The following AGBL4 variants were observed in gnomAD, a reference collection of about 807,000 sequenced individuals.
The protein encoded by AGBL4 is cytosolic carboxypeptidase 6.
Under a neutral mutation model 66.4 loss-of-function variants are expected in AGBL4, and 58 were observed. The ratio of observed to expected loss-of-function variants is 0.87; its 90% CI spans 0.71 to 1.09. The LOEUF is 1.09. AGBL4 is among the 50% of genes least tolerant of loss of function. AGBL4 has a pLI of 0.00. For missense variants in AGBL4, 579 were observed against 631.0 expected (o/e 0.92, Z 0.88); for synonymous variants, 234 against 222.9 (o/e 1.05, Z -0.44).
chr1:48,575,007 A>G (rs534872484), intron 11 of AGBL4, among the ~76,000 whole-genome samples: 2 of 152,288 alleles, frequency 1.3e-5, no homozygotes, highest in South Asian at 2.1e-4. Context: ...CACGTAGTCG[A>G]TGTTCAATAA....
At chr1:48,976,564 T>G (rs1659353446) in intron 5 of AGBL4, among the ~76,000 whole-genome samples, 1 of 152,182 alleles carries the variant, frequency 6.6e-6, no homozygotes, top group East Asian at 1.9e-4. Flanking sequence ...TAGAATGTCT[T>G]ATTTACCTAT....
At chr1:49,944,301 A>G (rs1571925146) in intron 1 of AGBL4, among the ~76,000 whole-genome samples, 1 of 152,074 alleles carries the variant, frequency 6.6e-6, no homozygotes, top group South Asian at 2.1e-4. Context: ...AGTCCATTTC[A>G]CCATCCTGTC....
chr1:49,522,357 A>G (rs1447290610), intron 3 of AGBL4, among the ~76,000 whole-genome samples: 2 of 152,098 alleles, frequency 1.3e-5, no homozygotes, highest in Non-Finnish European at 2.9e-5. Flanking sequence ...TCAAACCTTA[A>G]TAATCACTTC....
chr1:48,675,805 G>T (rs547749430), intron 6 of AGBL4, among the ~76,000 whole-genome samples: 42 of 152,288 alleles, frequency 2.8e-4, no homozygotes, highest in African/African-American at 9.9e-4. Flanking sequence ...TTTGACCAAG[G>T]TCTCACAGTG....
chr1:48,936,244 C>A (rs755606057), intron 5 of AGBL4, among the ~76,000 whole-genome samples: 1 of 152,102 alleles, frequency 6.6e-6, no homozygotes, highest in Non-Finnish European at 1.5e-5. Context: ...GCCTGGGTGA[C>A]AAAGTGATAT....
At chr1:49,792,925 T>G (rs181014344) in intron 2 of AGBL4, among the ~76,000 whole-genome samples, 3 of 152,178 alleles carry the variant, frequency 2.0e-5, no homozygotes, top group Admixed American at 2.0e-4. Flanking sequence ...AATTTCTTAT[T>G]TGTTTAATGA....
In AGBL4 at chr1:48,698,177, T is replaced by C. The variant is rs185651228; in HGVS notation, c.635-34936A>G. Among the ~76,000 whole-genome samples the C allele has an allele frequency of 3.4e-3, 511 of 152,316 alleles. 1 individual carries two copies. The highest frequency in any genetic ancestry group is 7.9e-3 in the Admixed American group (121 of 15,310). Reference sequence around the variant, plus strand: ...GCCTTGGTTTGGGGGTGACCTCAGCTAGGCCATGGGCACTGAGGATGGTTA... The same window carrying C: ...GCCTTGGTTTGGGGGTGACCTCAGCCAGGCCATGGGCACTGAGGATGGTTA... On this transcript the variant is annotated intron_variant, in intron 6 of 13. Coordinates refer to ENST00000371839, the MANE Select transcript of AGBL4 (RefSeq NM_032785.4).
chr1:49,073,952 C>T (rs973673941), intron 4 of AGBL4, among the ~76,000 whole-genome samples: 18 of 152,142 alleles, frequency 1.2e-4, no homozygotes, highest in East Asian at 1.9e-4. Flanking sequence ...GCCCAGCCCA[C>T]GAGGTGGAAT....
chr1:49,514,333 C>T (rs933757700), intron 3 of AGBL4, among the ~76,000 whole-genome samples: 24 of 151,896 alleles, frequency 1.6e-4, no homozygotes, highest in Non-Finnish European at 2.4e-4. Flanking sequence ...TTACAAGGGA[C>T]GTGAAGGACC....
intron 11 of AGBL4, among the ~76,000 whole-genome samples, chr1:48,556,582 C>G (rs1471200888): frequency 6.6e-6 from 1 of 152,194 alleles, no homozygotes; most frequent in Admixed American, 6.5e-5. Flanking sequence ...AACCCCCTGC[C>G]TCGTTGCCTC....
At chr1:48,858,679 G>A (rs1277047471) in intron 6 of AGBL4, among the ~76,000 whole-genome samples, 1 of 152,116 alleles carries the variant, frequency 6.6e-6, no homozygotes, top group Non-Finnish European at 1.5e-5. Flanking sequence ...TCAGGAAAAG[G>A]AGAAATTGAG....
chr1:48,606,769 T>A (rs964015671), intron 9 of AGBL4, among the ~76,000 whole-genome samples: 1 of 152,102 alleles, frequency 6.6e-6, no homozygotes, highest in Non-Finnish European at 1.5e-5. Context: ...TCAAAATACC[T>A]CCTTCCTTTC....
intron 2 of AGBL4, among the ~76,000 whole-genome samples, chr1:49,774,124 C>G (rs987939598): frequency 6.6e-6 from 1 of 152,216 alleles, no homozygotes; most frequent in African/African-American, 2.4e-5. Flanking sequence ...AAGGAAATTT[C>G]TCTTCCGGGG....
At chr1:48,774,430 G>C (rs1211628208) in intron 6 of AGBL4, among the ~76,000 whole-genome samples, 1 of 152,198 alleles carries the variant, frequency 6.6e-6, no homozygotes, top group African/African-American at 2.4e-5. Flanking sequence ...GTACCCAGGA[G>C]ATCAAAATTC....
chr1:48,613,277 G>T (rs1237882561), intron 9 of AGBL4, among the ~76,000 whole-genome samples: 1 of 152,150 alleles, frequency 6.6e-6, no homozygotes, highest in Non-Finnish European at 1.5e-5. Flanking sequence ...GGTGCAACTG[G>T]AATTTGAACT....
At chr1:49,656,755 C>T (rs1216775386) in intron 3 of AGBL4, among the ~76,000 whole-genome samples, 3 of 152,154 alleles carry the variant, frequency 2.0e-5, no homozygotes, top group Non-Finnish European at 4.4e-5. Flanking sequence ...AAGACAAAAA[C>T]CACACGATTA....
chr1:49,471,516 G>C (rs971864136), intron 3 of AGBL4, among the ~76,000 whole-genome samples: 1 of 151,854 alleles, frequency 6.6e-6, no homozygotes, highest in Non-Finnish European at 1.5e-5. Flanking sequence ...TAAAGGTGGA[G>C]GGAAGCAGCA....
At chr1:49,362,228 G>T (rs1644152873) in intron 3 of AGBL4, among the ~76,000 whole-genome samples, 1 of 151,930 alleles carries the variant, frequency 6.6e-6, no homozygotes, top group African/African-American at 2.4e-5. Flanking sequence ...GGTTTCATCT[G>T]GAAAACACTA....
intron 3 of AGBL4, among the ~76,000 whole-genome samples, chr1:49,295,096 C>T (rs1218123870): frequency 6.6e-6 from 1 of 152,168 alleles, no homozygotes; most frequent in African/African-American, 2.4e-5. Context: ...GCATCCATGT[C>T]TTTGTTCTCA....
Sources: allele counts gnomAD v4.1 joint callset (sites outside exome capture counted in the v4.1 genomes callset), GRCh38; gene constraint gnomAD v4.1.1; transcripts MANE v1.5; gene names NCBI Gene and HGNC (gene_info 2026-07-23, HGNC 2026-07-21).